VCF2: variants seen among roughly 807,000 people sequenced by gnomAD.
The protein encoded by VCF2 is protein VCF2.
At chrX:55,158,081 T>C in the VCF2 span, among the ~76,000 whole-genome samples, 1 of 112,179 alleles carries the variant, frequency 8.9e-6, no homozygotes, top group African/African-American at 3.2e-5. Context: ...ATAAGTTAAA[T>C]CTAGTTATGT....
At chrX:55,145,863 C>T in the VCF2 span, 3 of 932,306 alleles carry the variant, frequency 3.2e-6, no homozygotes, top group African/African-American at 2.0e-5. Flanking sequence ...AACTTGAAAA[C>T]TCTATGTAGA....
the VCF2 span, among the ~76,000 whole-genome samples, chrX:55,154,034 G>T: frequency 1.8e-5 from 2 of 112,525 alleles, no homozygotes; most frequent in South Asian, 7.4e-4. Flanking sequence ...TTATCAGAAT[G>T]ATTAAGAGGA....
chrX:55,154,327 ATCT>A, the VCF2 span, among the ~76,000 whole-genome samples: 2 of 111,852 alleles, frequency 1.8e-5, no homozygotes, highest in Admixed American at 1.9e-4. Context: ...TATATAAAAC[ATCT>A]TCACCATCCT....
chrX:55,160,887 T>G, the VCF2 span: 2 of 1,155,908 alleles, frequency 1.7e-6, no homozygotes, highest in African/African-American at 3.6e-5. Flanking sequence ...AGCATGTTCT[T>G]TCGGAGAAGG....
the VCF2 span, among the ~76,000 whole-genome samples, chrX:55,152,927 C>G: frequency 1.8e-5 from 2 of 111,912 alleles, no homozygotes; most frequent in African/African-American, 3.3e-5. Flanking sequence ...TCCCTCTACC[C>G]TATTGTTTGT....
the VCF2 span, chrX:55,146,278 G>A: frequency 7.8e-5 from 94 of 1,209,187 alleles, no homozygotes; most frequent in Non-Finnish European, 9.8e-5. Flanking sequence ...ATATTAATGC[G>A]GCTGCTGCTC....
chrX:55,148,589 G>A, the VCF2 span, among the ~76,000 whole-genome samples: 2 of 110,817 alleles, frequency 1.8e-5, no homozygotes, highest in Non-Finnish European at 3.8e-5. Flanking sequence ...GGTTATTTAA[G>A]AAAGAAAGAT....
At chrX:55,150,852 T>C in the VCF2 span, among the ~76,000 whole-genome samples, 369 of 111,579 alleles carry the variant, frequency 3.3e-3, 2 homozygotes, top group African/African-American at 0.012. Context: ...TCATAAACAT[T>C]GAGCAGAACA....
chrX:55,145,811 G>A, the VCF2 span: 5 of 880,542 alleles, frequency 5.7e-6, no homozygotes, highest in Non-Finnish European at 6.9e-6. Flanking sequence ...ATGCACAGGA[G>A]AAGTTTCCTC....
chrX:55,154,118 C>T, the VCF2 span, among the ~76,000 whole-genome samples: 1 of 111,550 alleles, frequency 9.0e-6, no homozygotes, highest in African/African-American at 3.3e-5. Context: ...AACCTTAATA[C>T]ACTTTATTTT....
At chrX:55,146,831 A>G in the VCF2 span, among the ~76,000 whole-genome samples, 1 of 112,600 alleles carries the variant, frequency 8.9e-6, no homozygotes, top group Admixed American at 9.3e-5. Context: ...TTGTTCACAT[A>G]TCCTGATGGT....
chrX:55,153,455 T>C, the VCF2 span, among the ~76,000 whole-genome samples: 6 of 108,331 alleles, frequency 5.5e-5, no homozygotes, highest in African/African-American at 6.7e-5. Flanking sequence ...CCCGGGTTCA[T>C]GCCATTCTCC....
chrX:55,149,693 T>C, the VCF2 span, among the ~76,000 whole-genome samples: 4 of 111,641 alleles, frequency 3.6e-5, no homozygotes, highest in African/African-American at 1.3e-4. Flanking sequence ...AAGGTTTTCT[T>C]GGCGCATTAA....
At chrX:55,148,498 T>C in the VCF2 span, among the ~76,000 whole-genome samples, 1 of 110,260 alleles carries the variant, frequency 9.1e-6, no homozygotes, top group Non-Finnish European at 1.9e-5. Context: ...TAAAGGGGTA[T>C]TTTTGGCAAG....
the VCF2 span, among the ~76,000 whole-genome samples, chrX:55,146,572 A>T: frequency 1.8e-5 from 2 of 112,114 alleles, no homozygotes; most frequent in Non-Finnish European, 3.8e-5. Context: ...GAGGATTCAA[A>T]CACAGGCCTT....
At chrX:55,146,626 G>A in the VCF2 span, among the ~76,000 whole-genome samples, 1 of 111,863 alleles carries the variant, frequency 8.9e-6, no homozygotes, top group African/African-American at 3.3e-5. Context: ...TTGCTTGTAC[G>A]ATTTATTCCA....
At chrX:55,159,198 G>A in the VCF2 span, 11 of 1,205,364 alleles carry the variant, frequency 9.1e-6, no homozygotes, top group Non-Finnish European at 1.2e-5. Context: ...AATGATGGTT[G>A]CCCTCTTTAC....
the VCF2 span, chrX:55,143,652 G>T: frequency 2.3e-6 from 1 of 442,815 alleles, no homozygotes; most frequent in South Asian, 4.7e-5. Context: ...TGCAGGAAAT[G>T]AGTGAGTTTC....
chrX:55,160,021 TCTCTAGGAGACTGAGTACTAGGAGA>T, the VCF2 span, among the ~76,000 whole-genome samples: 1 of 111,868 alleles, frequency 8.9e-6, no homozygotes, highest in African/African-American at 3.3e-5. Context: ...TCAATTCTCA[TCTCTAGGAGACTGAGTACTAGGAGA>T]CTCTAGGAGA....
Sources: allele counts gnomAD v4.1 joint callset (sites outside exome capture counted in the v4.1 genomes callset), GRCh38; gene constraint gnomAD v4.1.1; transcripts MANE v1.5; gene names NCBI Gene and HGNC (gene_info 2026-07-23, HGNC 2026-07-21).